The following PTPRM variants were observed in gnomAD, a reference collection of about 807,000 sequenced individuals.
PTPRM encodes protein tyrosine phosphatase receptor type M.
A neutral mutation model predicts 186.7 loss-of-function variants in PTPRM; 47 were observed. That is an observed-to-expected ratio of 0.25 (90% CI 0.20 to 0.32). The LOEUF is 0.32. PTPRM is among the 10% of genes least tolerant of loss of function. The probability of loss-of-function intolerance (pLI) is 1.00; values close to 1 mark genes in which losing one functional copy is unlikely to be tolerated. For missense variants in PTPRM, 1,494 were observed against 1,865.0 expected, an observed-to-expected ratio of 0.80 and a Z score of 3.66; for synonymous variants, 668 against 674.9, an observed-to-expected ratio of 0.99 and a Z score of 0.16.
intron 9 of PTPRM, 82 bp from the exon 10 acceptor site, chr18:8,085,589 A>AAAC: frequency 8.3e-7 from 1 of 1,197,892 alleles, no homozygotes; most frequent in East Asian, 2.3e-5. Flanking sequence ...GACAGTGCAT[A>AAAC]CATCAGAAGG....
intron 32 of PTPRM, among the ~76,000 whole-genome samples, chr18:8,398,385 G>A (rs948505436): frequency 2.0e-5 from 3 of 152,164 alleles, no homozygotes; most frequent in Admixed American, 1.3e-4. Flanking sequence ...AGAAGATACA[G>A]TCTCTCCCAC....
intron 11 of PTPRM, among the ~76,000 whole-genome samples, chr18:8,102,445 C>A (rs2091333821): frequency 6.6e-6 from 1 of 152,194 alleles, no homozygotes; most frequent in Admixed American, 6.5e-5. Context: ...ATATAATATT[C>A]TAAATCATTT....
chr18:7,978,820 C>CA (rs1181740566), intron 7 of PTPRM, among the ~76,000 whole-genome samples: 1 of 152,080 alleles, frequency 6.6e-6, no homozygotes, highest in East Asian at 1.9e-4. Flanking sequence ...GAGCACGTGA[C>CA]AGAGTATTCT....
intron 19 of PTPRM, among the ~76,000 whole-genome samples, chr18:8,263,546 G>A (rs1226871827): frequency 6.6e-6 from 1 of 152,188 alleles, no homozygotes; most frequent in Non-Finnish European, 1.5e-5. Context: ...AGTGATAAGA[G>A]CATCTTTTAC....
At chr18:8,020,448 A>G (rs888554749) in intron 7 of PTPRM, among the ~76,000 whole-genome samples, 1 of 152,158 alleles carries the variant, frequency 6.6e-6, no homozygotes, top group Non-Finnish European at 1.5e-5. Context: ...AAAATTTGAG[A>G]GGGGAAAAAA....
At chr18:7,772,413 TTTCTTTCTTTCTC>T (rs2042356924) in intron 1 of PTPRM, among the ~76,000 whole-genome samples, 1 of 121,062 alleles carries the variant, frequency 8.3e-6, no homozygotes, top group Non-Finnish European at 1.7e-5. Flanking sequence ...CTTTCTTTCT[TTTCTTTCTTTCTC>T]CCTTCCCCTT....
At chr18:8,089,638 A>G (rs1273058105) in intron 11 of PTPRM, among the ~76,000 whole-genome samples, 1 of 152,192 alleles carries the variant, frequency 6.6e-6, no homozygotes, top group Non-Finnish European at 1.5e-5. Context: ...TACTTTGAAT[A>G]GAGTACTTGG....
intron 1 of PTPRM, among the ~76,000 whole-genome samples, chr18:7,616,211 TG>T (rs2037799711): frequency 6.6e-6 from 1 of 152,132 alleles, no homozygotes; most frequent in Non-Finnish European, 1.5e-5. Context: ...GGCTGGAGTG[TG>T]GTGGTGCCAT....
intron 2 of PTPRM, among the ~76,000 whole-genome samples, chr18:7,805,387 G>A (rs1213017070): frequency 1.3e-5 from 2 of 152,070 alleles, no homozygotes; most frequent in African/African-American, 4.8e-5. Flanking sequence ...CAACTATTTA[G>A]TGCCTTATAA....
chr18:7,578,680 T>A (rs530553046), intron 1 of PTPRM, among the ~76,000 whole-genome samples: 2 of 151,008 alleles, frequency 1.3e-5, no homozygotes, highest in African/African-American at 4.9e-5. Context: ...CTTTGTTGCC[T>A]TGGCTGGTCT....
At chr18:7,652,959 A>T (rs2038753658) in intron 1 of PTPRM, among the ~76,000 whole-genome samples, 1 of 152,096 alleles carries the variant, frequency 6.6e-6, no homozygotes, top group African/African-American at 2.4e-5. Flanking sequence ...GATTCTTAAA[A>T]TTCAACAATA....
rs61360383 is a variant in PTPRM, at chr18:7,950,416, TTGTC to T, written c.838+1065_838+1068del. 4.8e-3 allele frequency among the ~76,000 whole-genome samples: 732 copies of T among 152,118 alleles called. 5 individuals are homozygous for T. The highest frequency in any genetic ancestry group is 0.017 in the African/African-American group (698 of 41,518). On this transcript the variant is annotated intron_variant, in intron 6 of 32. Coordinates refer to ENST00000580170, the MANE Select transcript of PTPRM (RefSeq NM_001105244.2). ...TGAGACCCTGTGTCTTAGACAAAAA[TTGTC>T]TGTTTCTTATGTGGTATAAAAGCAA...
intron 7 of PTPRM, among the ~76,000 whole-genome samples, chr18:8,063,252 C>G (rs531318779): frequency 3.5e-4 from 53 of 150,254 alleles, no homozygotes; most frequent in African/African-American, 1.3e-3. Context: ...TTCTTTGACT[C>G]GGAAAGGGAA....
intron 1 of PTPRM, among the ~76,000 whole-genome samples, chr18:7,595,035 T>G (rs893599221): frequency 1.3e-5 from 2 of 152,178 alleles, no homozygotes; most frequent in South Asian, 2.1e-4. Flanking sequence ...AGAATCACCT[T>G]GGCAGCCAAT....
At chr18:8,319,734 G>A (rs544330980) in intron 22 of PTPRM, among the ~76,000 whole-genome samples, 12 of 152,304 alleles carry the variant, frequency 7.9e-5, no homozygotes, top group South Asian at 4.1e-4. Flanking sequence ...GTTGCTTTCC[G>A]GTGGGATGAC....
At chr18:7,670,824 A>C (rs577110249) in intron 1 of PTPRM, among the ~76,000 whole-genome samples, 1 of 152,326 alleles carries the variant, frequency 6.6e-6, no homozygotes, top group African/African-American at 2.4e-5. Flanking sequence ...TATTTCAAGG[A>C]TGCTTATGGT....
intron 22 of PTPRM, among the ~76,000 whole-genome samples, chr18:8,328,383 T>G (rs1368012756): frequency 1.3e-5 from 2 of 152,084 alleles, no homozygotes; most frequent in African/African-American, 4.8e-5. Flanking sequence ...TTGAAAGAAC[T>G]TTTTTTTAAA....
chr18:7,780,175 G>A (rs996844240), intron 2 of PTPRM, among the ~76,000 whole-genome samples: 1 of 152,268 alleles, frequency 6.6e-6, no homozygotes, highest in East Asian at 1.9e-4. Context: ...AAGTAATCTT[G>A]TACATATAAA....
At chr18:7,758,909 A>C (rs2041635925) in intron 1 of PTPRM, among the ~76,000 whole-genome samples, 1 of 152,192 alleles carries the variant, frequency 6.6e-6, no homozygotes, top group East Asian at 1.9e-4. Flanking sequence ...CCAGGGTAAA[A>C]TGAACATACT....
Sources: gnomAD v4.1 joint callset for allele counts (sites outside exome capture counted in the v4.1 genomes callset) on GRCh38, gnomAD v4.1.1 for gene constraint, MANE v1.5 for transcripts, NCBI Gene and HGNC (gene_info 2026-07-23, HGNC 2026-07-21) for gene names.